TMTC4: variants seen among roughly 807,000 people sequenced by gnomAD.
TMTC4 encodes transmembrane O-mannosyltransferase targeting cadherins 4.
A neutral mutation model predicts 86.0 loss-of-function variants in TMTC4; 65 were observed. The observed-to-expected ratio is 0.76, with a 90% CI of 0.62 to 0.93. The LOEUF (loss-of-function observed/expected upper bound fraction) is 0.93. Among genes scored for constraint, TMTC4 ranks in the 40% least tolerant of loss-of-function variants. The pLI is 0.00. For synonymous variants in TMTC4, 379 were observed against 382.5 expected, an observed-to-expected ratio of 0.99 and a Z score of 0.11; for missense variants, 866 against 948.1, an observed-to-expected ratio of 0.91 and a Z score of 1.14.
intron 15 of TMTC4, among the ~76,000 whole-genome samples, chr13:100,617,811 T>G: frequency 6.6e-6 from 1 of 152,250 alleles, no homozygotes; most frequent in East Asian, 1.9e-4. Context: ...CTGCTTTGGC[T>G]ATTCAGGTTC....
chr13:100,612,451 G>C lies in TMTC4; in HGVS notation c.2011C>G (p.His671Asp). The C allele has an allele frequency of 6.2e-7, 1 of 1,611,520 alleles. No individual in the cohort carries two copies. The highest frequency in any genetic ancestry group is 1.1e-5 in the South Asian group (1 of 90,258). ...REALELIPND[H>D]SLMFSLANVL... ...TTTGCCAACGAGAACATGAGAGAGT[G>C]ATCATTAGGTATTAATTCCAGTGCC... is the stretch of plus-strand genomic sequence containing the variant. The change falls in exon 17 of 19, where the codon CAC (histidine) becomes GAC (aspartate). Residue 671 changes from histidine to aspartate, a missense_variant. His to Asp is a moderately conservative substitution (Grantham distance 81). Transcript: ENST00000342624.
intron 15 of TMTC4, chr13:100,624,960 G>T (rs549013828): frequency 9.2e-5 from 14 of 152,334 alleles, no homozygotes; most frequent in Admixed American, 8.5e-4. Flanking sequence ...TCAGATCTTC[G>T]TAAACATCCT....
chr13:100,629,365 C>T (rs189079548), intron 12 of TMTC4, among the ~76,000 whole-genome samples: 1 of 152,092 alleles, frequency 6.6e-6, no homozygotes. Flanking sequence ...GTGGCACCCA[C>T]CAGCTGGGAG....
rs960248643 is a variant in TMTC4 at position 100,604,387 on chromosome 13, C to T, written c.*607G>A. On this transcript the variant is annotated 3_prime_UTR_variant, in exon 19 of 19. Transcript: ENST00000342624. ...ATCCAAAAACTGCAAGAGTCAATTTCTTCCTATGGGGAAAAGCATATAGAT... is the reference window on the plus strand; with the variant it reads ...ATCCAAAAACTGCAAGAGTCAATTTTTTCCTATGGGGAAAAGCATATAGAT... 6.6e-6 allele frequency: 1 copy of T among 152,490 alleles called. No homozygotes were observed. The highest frequency in any genetic ancestry group is 1.5e-5 in the Non-Finnish European group (1 of 68,042). The allele number at this position is 152,490 out of a possible 1,614,324, so 9.4% of individuals were successfully genotyped here.
chr13:100,674,974 G>A (rs1472096223), upstream of TMTC4: 9 of 985,626 alleles, frequency 9.1e-6, no homozygotes, highest in East Asian at 5.7e-4. Flanking sequence ...TCAGGCCACA[G>A]CCAAGTCCCT....
chr13:100,646,643 C>A (rs931032999), intron 6 of TMTC4, among the ~76,000 whole-genome samples: 3 of 152,220 alleles, frequency 2.0e-5, no homozygotes, highest in African/African-American at 7.2e-5. Flanking sequence ...CAGCGATCCT[C>A]CAAGTTGTTC....
In TMTC4 at chr13:100,625,869, G is replaced by A; in HGVS notation, c.1610C>T (p.Ala537Val). Residue 537 changes from alanine to valine, a missense_variant, in exon 14 of 19, where the codon GCC becomes GTC. Physicochemically the swap from Ala to Val is moderately conservative, Grantham distance 64. Coordinates refer to ENST00000342624, the MANE Select transcript of TMTC4 (RefSeq NM_032813.5). ...TAAGATATTTCCAAGATTATTCATG[G>A]CATGAACATACTTGGGATTTAATCT... is the stretch of plus-strand genomic sequence containing the variant. ...AVRLNPKYVH[A>V]MNNLGNILKE... is the part of the protein sequence containing the mutation. The A allele has an allele frequency of 1.2e-6, 2 of 1,613,424 alleles. No individual in the cohort carries two copies. The highest frequency in any genetic ancestry group is 1.1e-5 in the South Asian group (1 of 90,870).
At chr13:100,616,399 C>T (rs1049720852) in intron 15 of TMTC4, among the ~76,000 whole-genome samples, 2 of 152,142 alleles carry the variant, frequency 1.3e-5, no homozygotes, top group Non-Finnish European at 2.9e-5. Context: ...GATGGGCTTT[C>T]ACCATCTTGG....
intron 6 of TMTC4, among the ~76,000 whole-genome samples, chr13:100,654,364 G>C (rs544819694): frequency 1.3e-5 from 2 of 152,278 alleles, no homozygotes; most frequent in African/African-American, 4.8e-5. Flanking sequence ...GGACAAAAAA[G>C]AAAGGTCATG....
At chr13:100,670,208 G>C in intron 2 of TMTC4, 152 bp downstream of exon 2, 2 of 722,686 alleles carry the variant, frequency 2.8e-6, no homozygotes, top group Non-Finnish European at 4.3e-6. Context: ...AGGCAGTTTG[G>C]ATGTATTTGT....
intron 6 of TMTC4, among the ~76,000 whole-genome samples, chr13:100,646,531 C>T (rs1566616248): frequency 6.6e-6 from 1 of 152,200 alleles, no homozygotes; most frequent in Admixed American, 6.5e-5. Flanking sequence ...GATTAATTTT[C>T]AAACCACAGC....
intron 6 of TMTC4, among the ~76,000 whole-genome samples, chr13:100,642,522 C>T (rs1225903481): frequency 5.9e-5 from 9 of 152,158 alleles, no homozygotes; most frequent in Non-Finnish European, 1.2e-4. Context: ...CTCCTGAGAA[C>T]GTGCCCAGGG....
At chr13:100,621,841 G>A (rs1594256982) in intron 15 of TMTC4, among the ~76,000 whole-genome samples, 1 of 152,168 alleles carries the variant, frequency 6.6e-6, no homozygotes, top group African/African-American at 2.4e-5. Flanking sequence ...CCACCCAAAT[G>A]CATGAATTCA....
chr13:100,625,760 G>A, intron 14 of TMTC4, 25 bp downstream of exon 14: 1 of 1,610,564 alleles, frequency 6.2e-7, no homozygotes, highest in South Asian at 1.1e-5. Context: ...TTTGTCACTA[G>A]CATAATTATA....
At chr13:100,630,037 G>A (rs57126422) in intron 12 of TMTC4, among the ~76,000 whole-genome samples, 2,860 of 150,978 alleles carry the variant, frequency 0.019, 54 homozygotes, top group East Asian at 0.073. Flanking sequence ...ATGTGTGTGT[G>A]TGTGTGTGTG....
chr13:100,637,940 T>C lies in TMTC4; in HGVS notation c.824A>G (p.Lys275Arg). Residue 275 changes from lysine (K) to arginine (R), a missense_variant, in exon 8 of 19, where the codon AAG (lysine) becomes AGG (arginine). Lys to Arg is a conservative substitution (Grantham distance 26). Transcript: ENST00000342624. Reference protein sequence around the residue: ...EIVQKVLHKDKSLENLGMLRN... With the variant: ...EIVQKVLHKDRSLENLGMLRN... ...AAAGTACAGACTCACCTCTAATGAC[T>C]TGTCCTTATGTAGTACCTTCTGGAC... is the stretch of plus-strand genomic sequence containing the variant. The C allele has an allele frequency of 4.3e-6, 7 of 1,612,814 alleles. No homozygotes were observed. The highest frequency in any genetic ancestry group is 1.1e-5 in the South Asian group (1 of 90,818).
intron 6 of TMTC4, among the ~76,000 whole-genome samples, chr13:100,650,092 A>C (rs1352101512): frequency 2.0e-5 from 3 of 152,142 alleles, no homozygotes; most frequent in Non-Finnish European, 2.9e-5. Flanking sequence ...GAAAAAAAAA[A>C]ACAAAAACCA....
At chr13:100,608,022 C>T (rs983795926) in intron 17 of TMTC4, among the ~76,000 whole-genome samples, 1 of 152,164 alleles carries the variant, frequency 6.6e-6, no homozygotes, top group Non-Finnish European at 1.5e-5. Context: ...CAAACATTTC[C>T]ATTTAAAACC....
In TMTC4 at chr13:100,614,414, C is replaced by G. The variant is rs374745053; in HGVS notation, c.1853G>C (p.Arg618Pro). Residue 618 changes from arginine to proline, a missense_variant, in exon 16 of 19, where the codon CGC becomes CCC. Arg to Pro is a moderately radical substitution (Grantham distance 103). Coordinates refer to ENST00000342624, the MANE Select transcript of TMTC4 (RefSeq NM_032813.5). ...CCACGCATTCAAGGCATCCACGTGG[C>G]GATTGAGATCTGCATACTGAAAATA... is the stretch of plus-strand genomic sequence containing the variant. ...NLGRLYADLN[R>P]HVDALNAWRN... 6 of 1,611,540 alleles carry G rather than the reference C, an allele frequency of 3.7e-6. No individual in the cohort carries two copies. Among genetic ancestry groups the G allele is most frequent in the Non-Finnish European group, 4.2e-6 (5 of 1,179,498 alleles).
Sources: allele counts gnomAD v4.1 joint callset (sites outside exome capture counted in the v4.1 genomes callset), GRCh38; gene constraint gnomAD v4.1.1; transcripts MANE v1.5; gene names NCBI Gene and HGNC (gene_info 2026-07-23, HGNC 2026-07-21).